The following SEMA6D variants were observed in gnomAD, a reference collection of about 807,000 sequenced individuals.
SEMA6D encodes the protein semaphorin-6D.
A neutral mutation model predicts 106.6 loss-of-function variants in SEMA6D; 35 were observed. The observed-to-expected ratio is 0.33, with a 90% confidence interval of 0.25 to 0.44. The LOEUF (loss-of-function observed/expected upper bound fraction) is 0.44, where lower values mean the gene tolerates loss of function less well. SEMA6D is among the 20% of genes least tolerant of loss of function. The pLI is 1.00. For synonymous variants in SEMA6D, 499 were observed against 487.7 expected, an observed-to-expected ratio of 1.02 and a Z score of -0.31; for missense variants, 1,185 against 1,345.9, an observed-to-expected ratio of 0.88 and a Z score of 1.87.
intron 1 of SEMA6D, among the ~76,000 whole-genome samples, chr15:47,331,031 A>G (rs182139066): frequency 1.3e-3 from 203 of 152,304 alleles, no homozygotes; most frequent in African/African-American, 4.7e-3. Context: ...AAAAGCATCA[A>G]GGTCACAGTA....
chr15:47,511,210 T>TG (rs1278494164), intron 3 of SEMA6D, among the ~76,000 whole-genome samples: 2 of 152,192 alleles, frequency 1.3e-5, no homozygotes, highest in Non-Finnish European at 2.9e-5. Flanking sequence ...GGAGTTGGTT[T>TG]GGGGCAATTC....
chr15:47,253,832 C>T (rs148557619), intron 1 of SEMA6D, among the ~76,000 whole-genome samples: 32 of 152,132 alleles, frequency 2.1e-4, no homozygotes, highest in African/African-American at 6.3e-4. Context: ...TTTGGCTATC[C>T]GAGGTCTTTT....
intron 3 of SEMA6D, among the ~76,000 whole-genome samples, chr15:47,552,525 TACACACACACAC>T (rs144968308): frequency 6.2e-5 from 8 of 130,066 alleles, no homozygotes; most frequent in African/African-American, 8.5e-5. Context: ...TATATATGTA[TACACACACACAC>T]ACACACACAC....
chr15:47,771,317 C>T lies in SEMA6D; in HGVS notation c.2754C>T (p.Val918=). 2 of 1,613,970 alleles carry T rather than the reference C, an allele frequency of 1.2e-6. No homozygotes were observed. The highest frequency in any genetic ancestry group is 1.7e-6 in the Non-Finnish European group (2 of 1,179,978). Residue 918 remains valine (V), a synonymous_variant, in exon 19 of 19, where the codon GTC becomes GTT. Transcript: ENST00000536845. ...ATCCCATGGGATCGATGTCTGAGGTCCCACCTAAAGTCCCTAACCGGGAGG... is the reference window on the plus strand; with the variant it reads ...ATCCCATGGGATCGATGTCTGAGGTTCCACCTAAAGTCCCTAACCGGGAGG... ...MLDPMGSMSE[V]PPKVPNREAS... is the part of the protein sequence containing the mutation.
chr15:47,219,445 C>T (rs1469694551), intron 1 of SEMA6D, among the ~76,000 whole-genome samples: 1 of 152,124 alleles, frequency 6.6e-6, no homozygotes, highest in Non-Finnish European at 1.5e-5. Context: ...TTCTTATTGC[C>T]TTTTTCTCTT....
At chr15:47,453,363 A>T (rs1234084521) in intron 2 of SEMA6D, among the ~76,000 whole-genome samples, 1 of 152,038 alleles carries the variant, frequency 6.6e-6, no homozygotes. Flanking sequence ...ACAGATATGA[A>T]AAAAGTAAAT....
chr15:47,650,809 A>G (rs2077673900), intron 4 of SEMA6D, among the ~76,000 whole-genome samples: 1 of 152,194 alleles, frequency 6.6e-6, no homozygotes, highest in South Asian at 2.1e-4. Flanking sequence ...AAGTCTGCTC[A>G]ATTCATACTA....
At chr15:47,542,616 A>G (rs564966817) in intron 3 of SEMA6D, among the ~76,000 whole-genome samples, 7 of 152,180 alleles carry the variant, frequency 4.6e-5, no homozygotes, top group African/African-American at 1.7e-4. Flanking sequence ...ATCCATTCCT[A>G]ATGTTTACAG....
At position 47,450,554 on chromosome 15, in the gene SEMA6D, G is replaced by T. The variant is rs149078171; in HGVS notation, c.-158-19920G>T. ...GCTTCTTCAAACTGTTTACAGTAAT[G>T]TCAGGGCATTTCTCAGTTTTATGGG... On this transcript the variant is annotated intron_variant, in intron 2 of 19. Coordinates refer to the SEMA6D transcript ENST00000558014. 9.0e-3 allele frequency among the ~76,000 whole-genome samples: 1,363 copies of T among 152,186 alleles called. 54 individuals are homozygous for T. The highest frequency in any genetic ancestry group is 0.069 in the Admixed American group (1,049 of 15,266).
chr15:47,538,561 T>A (rs892174225), intron 3 of SEMA6D, among the ~76,000 whole-genome samples: 2 of 152,186 alleles, frequency 1.3e-5, no homozygotes, highest in African/African-American at 4.8e-5. Flanking sequence ...ATCAAACGAA[T>A]TATCTGTACC....
chr15:47,586,993 A>G (rs2076353466), intron 3 of SEMA6D, among the ~76,000 whole-genome samples: 1 of 149,394 alleles, frequency 6.7e-6, no homozygotes, highest in Admixed American at 6.8e-5. Context: ...GGTAGGCTAG[A>G]GGCTGAAGTC....
chr15:47,687,327 T>A (rs1049447250), intron 4 of SEMA6D, among the ~76,000 whole-genome samples: 1 of 152,116 alleles, frequency 6.6e-6, no homozygotes, highest in Non-Finnish European at 1.5e-5. Context: ...AAGGCAGATC[T>A]TTAAGCCAGC....
chr15:47,406,698 G>A (rs539864712), intron 1 of SEMA6D, among the ~76,000 whole-genome samples: 6 of 151,556 alleles, frequency 4.0e-5, no homozygotes, highest in African/African-American at 1.2e-4. Context: ...CCTAATGTAC[G>A]GTATGGTGAC....
chr15:47,452,269 A>G (rs2140940201), intron 2 of SEMA6D, among the ~76,000 whole-genome samples: 1 of 151,466 alleles, frequency 6.6e-6, no homozygotes, highest in Non-Finnish European at 1.5e-5. Context: ...TCTTATAGAA[A>G]CCTATCATCA....
chr15:47,215,057 A>T (rs1346331484), intron 1 of SEMA6D, among the ~76,000 whole-genome samples: 4 of 151,400 alleles, frequency 2.6e-5, no homozygotes, highest in Non-Finnish European at 5.9e-5. Flanking sequence ...CCTAAGCTTC[A>T]TTCTAGACAG....
intron 3 of SEMA6D, among the ~76,000 whole-genome samples, chr15:47,552,797 TATATATAAAA>T (rs1477439877): frequency 0.15 from 10,402 of 70,288 alleles, 1,654 homozygotes; most frequent in African/African-American, 0.31. Context: ...TATTTTTATA[TATATATAAAA>T]ATATATATAA....
At chr15:47,634,207 A>T (rs758122008) in intron 4 of SEMA6D, among the ~76,000 whole-genome samples, 2 of 152,154 alleles carry the variant, frequency 1.3e-5, no homozygotes, top group Non-Finnish European at 2.9e-5. Context: ...TAAAACACCA[A>T]TAAAAATGGG....
At chr15:47,270,810 A>G (rs1404268937) in intron 1 of SEMA6D, among the ~76,000 whole-genome samples, 1 of 151,964 alleles carries the variant, frequency 6.6e-6, no homozygotes, top group Admixed American at 6.6e-5. Context: ...CCTGGCCAAC[A>G]TGGTGAAACC....
At chr15:47,654,568 A>G (rs1242335258) in intron 4 of SEMA6D, among the ~76,000 whole-genome samples, 2 of 152,184 alleles carry the variant, frequency 1.3e-5, no homozygotes, top group African/African-American at 2.4e-5. Context: ...GTAATTCCCA[A>G]TGTTGGCGAT....
Sources: gnomAD v4.1 joint callset for allele counts (sites outside exome capture counted in the v4.1 genomes callset) on GRCh38, gnomAD v4.1.1 for gene constraint, MANE v1.5 for transcripts, NCBI Gene and HGNC (gene_info 2026-07-23, HGNC 2026-07-21) for gene names.